Variants in ELAC1 observed in about 807,000 individuals in gnomAD.
ELAC1 encodes the protein zinc phosphodiesterase ELAC protein 1.
A neutral mutation model predicts 25.8 loss-of-function variants in ELAC1; 19 were observed. That is an observed-to-expected ratio of 0.74 (90% CI 0.51 to 1.08). The LOEUF is 1.08. Among genes scored for constraint, ELAC1 ranks in the 50% least tolerant of loss-of-function variants. The pLI is 0.00. For synonymous variants in ELAC1, 148 were observed against 160.9 expected (o/e 0.92, Z 0.61); for missense variants, 403 against 434.6 (o/e 0.93, Z 0.65).
At chr18:50,974,323 A>C in intron 1 of ELAC1, 74 bp from the exon 2 acceptor site, 19 of 1,341,562 alleles carry the variant, frequency 1.4e-5, no homozygotes, top group Non-Finnish European at 1.8e-5. Flanking sequence ...AAGTAATAAT[A>C]GAGATAAATA....
At chr18:50,975,339 G>C (rs1228685821) in intron 2 of ELAC1, among the ~76,000 whole-genome samples, 1 of 151,960 alleles carries the variant, frequency 6.6e-6, no homozygotes, top group Non-Finnish European at 1.5e-5. Context: ...CTTCTCAGAG[G>C]CTTTCCCAAA....
At chr18:50,971,437 G>A (rs1907650074) in intron 1 of ELAC1, among the ~76,000 whole-genome samples, 1 of 152,194 alleles carries the variant, frequency 6.6e-6, no homozygotes, top group Admixed American at 6.5e-5. Context: ...AAGCAGGCTG[G>A]AGTGCAGCAG....
intron 2 of ELAC1, 58 bp from the exon 3 acceptor site, chr18:50,984,038 G>A (rs2144323924): frequency 8.7e-7 from 1 of 1,144,322 alleles, no homozygotes; most frequent in East Asian, 2.4e-5. Flanking sequence ...AAATAGCTTT[G>A]TATGGGTTTT....
chr18:50,970,567 A>G (rs1907623849), intron 1 of ELAC1, among the ~76,000 whole-genome samples: 1 of 152,100 alleles, frequency 6.6e-6, no homozygotes, highest in South Asian at 2.1e-4. Context: ...TGCTTAAGGT[A>G]GAGATGCACC....
intron 1 of ELAC1, among the ~76,000 whole-genome samples, chr18:50,972,116 A>T (rs968244050): frequency 2.8e-5 from 4 of 144,944 alleles, no homozygotes; most frequent in African/African-American, 1.0e-4. Context: ...AAAAGATTTT[A>T]TTTAGTGAAA....
At chr18:50,984,040 A>G (rs1908030580) in intron 2 of ELAC1, 56 bp from the exon 3 acceptor site, 1 of 1,168,486 alleles carries the variant, frequency 8.6e-7, no homozygotes, top group Admixed American at 2.4e-5. Flanking sequence ...ATAGCTTTGT[A>G]TGGGTTTTTA....
rs150513495 is a variant in ELAC1 at position 50,984,425 on chromosome 18, A to G, written c.487A>G (p.Asn163Asp). Residue 163 changes from asparagine to aspartate, a missense_variant, in exon 3 of 4, where the codon AAC (asparagine) becomes GAC (aspartate). Physicochemically the swap from Asn to Asp is conservative, Grantham distance 23. Coordinates refer to ENST00000269466, the MANE Select transcript of ELAC1 (RefSeq NM_018696.3). Reference protein sequence around the residue: ...GRTILLDSEENSYLLFDDEQF... With the variant: ...GRTILLDSEEDSYLLFDDEQF... ...AACTATCCTGTTAGACTCAGAAGAAAACTCATACCTTCTGTTTGATGATGA... is the reference window on the plus strand; with the variant it reads ...AACTATCCTGTTAGACTCAGAAGAAGACTCATACCTTCTGTTTGATGATGA... The G allele has an allele frequency of 2.5e-4, 409 of 1,614,058 alleles. No homozygotes were observed. Among genetic ancestry groups the G allele is most frequent in the Non-Finnish European group, 3.3e-4 (395 of 1,180,028 alleles).
At chr18:50,983,110 A>G (rs890641975) in intron 2 of ELAC1, among the ~76,000 whole-genome samples, 5 of 148,490 alleles carry the variant, frequency 3.4e-5, no homozygotes, top group African/African-American at 1.0e-4. Context: ...TATCTATTTA[A>G]TAGTTAAGTG....
intron 2 of ELAC1, among the ~76,000 whole-genome samples, chr18:50,981,104 CCTA>C (rs10591173): frequency 0.099 from 14,874 of 150,518 alleles, 1,985 homozygotes; most frequent in African/African-American, 0.31. Context: ...CCGCCACCCT[CCTA>C]CTCTTCCAAG....
intron 1 of ELAC1, chr18:50,969,934 C>G (rs897502496): frequency 6.6e-6 from 1 of 152,352 alleles, no homozygotes; most frequent in Middle Eastern, 3.4e-3. Flanking sequence ...TAGCCTTTCA[C>G]TAAGTGATTC....
chr18:50,968,978 C>G (rs1907579195), intron 1 of ELAC1: 1 of 152,208 alleles, frequency 6.6e-6, no homozygotes, highest in Non-Finnish European at 1.5e-5. Flanking sequence ...CCCTCTCCCC[C>G]ACTGTAGTAT....
intron 2 of ELAC1, among the ~76,000 whole-genome samples, chr18:50,983,139 G>A (rs977644824): frequency 8.9e-6 from 1 of 112,046 alleles, no homozygotes; most frequent in Non-Finnish European, 1.9e-5. Flanking sequence ...TGGTACACTT[G>A]TATATTTTAC....
chr18:50,975,621 A>G (rs142194776), intron 2 of ELAC1, among the ~76,000 whole-genome samples: 5 of 152,002 alleles, frequency 3.3e-5, no homozygotes, highest in Non-Finnish European at 5.9e-5. Context: ...AACTTAGCAC[A>G]GTGCCTCTCA....
At chr18:50,983,590 C>T (rs1346882170) in intron 2 of ELAC1, among the ~76,000 whole-genome samples, 23 of 151,310 alleles carry the variant, frequency 1.5e-4, no homozygotes, top group Admixed American at 1.3e-3. Context: ...GGCTAGGCAC[C>T]GTAATCCCAG....
In ELAC1 at chr18:50,986,867, A is replaced by T; in HGVS notation, c.874A>T (p.Ser292Cys). Residue 292 changes from serine to cysteine, a missense_variant, in exon 4 of 4, where the codon AGC (serine) becomes TGC (cysteine). Ser to Cys is a moderately radical substitution (Grantham distance 112). Transcript: ENST00000269466. ...GGACAAAGCAAAGGAGCATGGCCAC[A>T]GCACACCACAGATGGCAGCAACATT... ...QMDKAKEHGH[S>C]TPQMAATFAK... 6 of 1,614,162 alleles carry T rather than the reference A, an allele frequency of 3.7e-6. No homozygotes were observed. The highest frequency in any genetic ancestry group is 5.1e-6 in the Non-Finnish European group (6 of 1,179,982).
intron 3 of ELAC1, among the ~76,000 whole-genome samples, chr18:50,985,245 C>T (rs930913884): frequency 2.0e-5 from 3 of 152,134 alleles, no homozygotes; most frequent in Non-Finnish European, 4.4e-5. Flanking sequence ...ATGACATCTT[C>T]GGTCTGAGAA....
At chr18:50,972,059 T>C (rs1907675287) in intron 1 of ELAC1, among the ~76,000 whole-genome samples, 1 of 125,724 alleles carries the variant, frequency 8.0e-6, no homozygotes, top group Admixed American at 8.1e-5. Flanking sequence ...CTTTTTTTTT[T>C]CAGGTTTTTT....
At chr18:50,971,916 A>ATATATATATG (rs1391677850) in intron 1 of ELAC1, among the ~76,000 whole-genome samples, 2 of 72,738 alleles carry the variant, frequency 2.7e-5, no homozygotes, top group Admixed American at 1.4e-4. Flanking sequence ...GTGTGTGTAT[A>ATATATATATG]TATATATATA....
At chr18:50,983,982 T>C in intron 2 of ELAC1, 114 bp from the exon 3 acceptor site, 1 of 625,172 alleles carries the variant, frequency 1.6e-6, no homozygotes, top group South Asian at 3.3e-5. Context: ...AGTAGAACTT[T>C]TAAATTCAAT....
Sources: allele counts gnomAD v4.1 joint callset (sites outside exome capture counted in the v4.1 genomes callset), GRCh38; gene constraint gnomAD v4.1.1; transcripts MANE v1.5; gene names NCBI Gene and HGNC (gene_info 2026-07-23, HGNC 2026-07-21).